The following SP4 variants were observed in gnomAD, a reference collection of about 807,000 sequenced individuals.
SP4 encodes Sp4 transcription factor, also known as transcription factor Sp4.
SP4 carries 19 observed loss-of-function variants against 72.8 expected under a neutral mutation model. That is an observed-to-expected ratio of 0.26 (90% confidence interval 0.18 to 0.38). The LOEUF (loss-of-function observed/expected upper bound fraction) is 0.38, where lower values mean the gene tolerates loss of function less well. Among genes scored for constraint, SP4 ranks in the 10% least tolerant of loss-of-function variants. The pLI is 1.00. For synonymous variants in SP4, 395 were observed against 333.1 expected, an observed-to-expected ratio of 1.19 and a Z score of -2.02; for missense variants, 1,008 against 926.3, an observed-to-expected ratio of 1.09 and a Z score of -1.14.
intron 3 of SP4, among the ~76,000 whole-genome samples, chr7:21,453,309 C>T (rs543378181): frequency 1.3e-5 from 2 of 152,128 alleles, no homozygotes; most frequent in African/African-American, 4.8e-5. Flanking sequence ...TTATCAGAAA[C>T]CTGCATTTAA....
At chr7:21,437,588 A>G (rs1042492773) in intron 3 of SP4, among the ~76,000 whole-genome samples, 59 of 152,134 alleles carry the variant, frequency 3.9e-4, no homozygotes, top group African/African-American at 1.3e-3. Context: ...TGCTTATATG[A>G]TAGAACTGAG....
intron 3 of SP4, among the ~76,000 whole-genome samples, chr7:21,464,465 G>A (rs1256693352): frequency 6.6e-6 from 1 of 152,058 alleles, no homozygotes; most frequent in African/African-American, 2.4e-5. Flanking sequence ...TGGTATCTCT[G>A]CCTCTACGTT....
chr7:21,508,867 C>A (rs1782075881), intron 5 of SP4, among the ~76,000 whole-genome samples: 1 of 144,060 alleles, frequency 6.9e-6, no homozygotes, highest in Admixed American at 7.3e-5. Flanking sequence ...GGCTAGAGTG[C>A]AGTGGCTCAC....
chr7:21,498,993 T>C (rs747813732), intron 5 of SP4, among the ~76,000 whole-genome samples: 2 of 143,668 alleles, frequency 1.4e-5, no homozygotes, highest in Non-Finnish European at 3.0e-5. Flanking sequence ...GGCAGGAGAA[T>C]GGCAGGAACC....
chr7:21,476,956 C>A, intron 3 of SP4, 123 bp from the exon 4 acceptor site: 1 of 673,958 alleles, frequency 1.5e-6, no homozygotes. Context: ...CCATTAACCC[C>A]TTAGTTTTTG....
chr7:21,497,689 C>T (rs962425174), intron 5 of SP4, among the ~76,000 whole-genome samples: 31 of 152,108 alleles, frequency 2.0e-4, no homozygotes, highest in African/African-American at 7.5e-4. Context: ...TGTGGCACAT[C>T]CAGGAAATGT....
rs559385908 is a variant in SP4 at position 21,511,146 on chromosome 7, G to T, written c.2232G>T (p.Ser744=). ...GGGTALAIVT[S]GELDSSVTEV... is the part of the protein sequence containing the mutation. Reference sequence around the variant, plus strand: ...GGACAGCTCTTGCCATTGTTACCTCGGGAGAACTGGACTCATCTGTTACAG... The same window carrying T: ...GGACAGCTCTTGCCATTGTTACCTCTGGAGAACTGGACTCATCTGTTACAG... The change falls in exon 6 of 6, where the codon TCG becomes TCT. Residue 744 remains serine (S), a synonymous_variant. Transcript: ENST00000222584. The T allele has an allele frequency of 4.3e-6, 7 of 1,614,122 alleles. No homozygotes were observed. The African/African-American group carries it at 8.0e-5, about 18-fold the overall frequency.
intron 3 of SP4, among the ~76,000 whole-genome samples, chr7:21,451,608 C>G (rs1266081392): frequency 6.6e-6 from 1 of 152,060 alleles, no homozygotes. Context: ...TGAATTCAGC[C>G]AGGTCCAAGG....
At chr7:21,450,699 C>G (rs2282890) in intron 3 of SP4, among the ~76,000 whole-genome samples, 3,771 of 152,264 alleles carry the variant, frequency 0.025, 70 homozygotes, top group African/African-American at 0.05. Context: ...GAAGTTAACT[C>G]TCTGCCCAGG....
At chr7:21,499,699 G>A (rs905065653) in intron 5 of SP4, among the ~76,000 whole-genome samples, 1 of 152,172 alleles carries the variant, frequency 6.6e-6, no homozygotes, top group Non-Finnish European at 1.5e-5. Flanking sequence ...GAAGCCCGAG[G>A]AAACTAATAT....
At chr7:21,471,928 A>G (rs1477919498) in intron 3 of SP4, among the ~76,000 whole-genome samples, 1 of 152,362 alleles carries the variant, frequency 6.6e-6, no homozygotes, top group African/African-American at 2.4e-5. Flanking sequence ...CACATAGTAG[A>G]TATAAAACAA....
In SP4 at chr7:21,477,245, A is replaced by G. The variant is rs920917936; in HGVS notation, c.1845A>G (p.Gln615=). ...AGCAGACTTCTGATCAAGAGGTACA[A>G]CCTGGCAAGAGGCTTCGAAGAGTTG... ...QGQQTSDQEV[Q]PGKRLRRVAC... Residue 615 remains glutamine (Q), a synonymous_variant, in exon 4 of 6, where the codon CAA becomes CAG. Coordinates refer to ENST00000222584, the MANE Select transcript of SP4 (RefSeq NM_003112.5). 9 of 1,614,214 alleles carry G rather than the reference A, an allele frequency of 5.6e-6. No homozygotes were observed. Among genetic ancestry groups the G allele is most frequent in the Non-Finnish European group, 7.6e-6 (9 of 1,180,040 alleles).
At chr7:21,496,443 A>G (rs866412744) in intron 5 of SP4, among the ~76,000 whole-genome samples, 2 of 152,200 alleles carry the variant, frequency 1.3e-5, no homozygotes, top group Admixed American at 6.5e-5. Context: ...TTTAGAGCCA[A>G]AGGGACTCCT....
chr7:21,432,559 A>G (rs1460054408), intron 3 of SP4, among the ~76,000 whole-genome samples: 2 of 152,266 alleles, frequency 1.3e-5, no homozygotes, highest in Non-Finnish European at 2.9e-5. Flanking sequence ...GAGGGTAAAG[A>G]AATGTTTTGG....
In SP4 at chr7:21,430,111, G is replaced by A; in HGVS notation, c.946G>A (p.Glu316Lys). The change falls in exon 3 of 6, where the codon GAA (glutamate) becomes AAA (lysine). Residue 316 changes from glutamate to lysine, a missense_variant. Glu to Lys is a moderately conservative substitution (Grantham distance 56). Transcript: ENST00000222584. ...CACTACTTCTGCCAGTACTATGCCA[G>A]AATCTCCCTCCTCCTCCACTACCTG... is the stretch of plus-strand genomic sequence containing the variant. ...NTTTSASTMP[E>K]SPSSSTTCTT... 4 of 1,614,172 alleles carry A rather than the reference G, an allele frequency of 2.5e-6. No individual in the cohort carries two copies. The highest frequency in any genetic ancestry group is 3.4e-6 in the Non-Finnish European group (4 of 1,180,034).
chr7:21,433,209 C>A (rs566510454), intron 3 of SP4, among the ~76,000 whole-genome samples: 11 of 152,060 alleles, frequency 7.2e-5, no homozygotes, highest in Admixed American at 7.2e-4. Flanking sequence ...TGTGGTTATT[C>A]CTTCATTTTC....
intron 5 of SP4, among the ~76,000 whole-genome samples, chr7:21,489,229 G>C (rs1466913017): frequency 6.6e-6 from 1 of 152,094 alleles, no homozygotes; most frequent in East Asian, 1.9e-4. Flanking sequence ...AATTCATTTG[G>C]GAATGAAACT....
At chr7:21,447,552 A>G (rs944339457) in intron 3 of SP4, among the ~76,000 whole-genome samples, 1 of 152,268 alleles carries the variant, frequency 6.6e-6, no homozygotes, top group African/African-American at 2.4e-5. Context: ...AGGTCTCATT[A>G]GAACAGTGGA....
At chr7:21,466,522 A>G (rs17144470) in intron 3 of SP4, among the ~76,000 whole-genome samples, 4,139 of 152,254 alleles carry the variant, frequency 0.027, 74 homozygotes, top group African/African-American at 0.048. Context: ...TGCTTGACCC[A>G]AAAGTTCTAC....
Sources: gnomAD v4.1 joint callset for allele counts (sites outside exome capture counted in the v4.1 genomes callset) on GRCh38, gnomAD v4.1.1 for gene constraint, MANE v1.5 for transcripts, NCBI Gene and HGNC (gene_info 2026-07-23, HGNC 2026-07-21) for gene names.